The following ARSB variants were observed in gnomAD, a reference collection of about 807,000 sequenced individuals.
The protein encoded by ARSB is N-acetylgalactosamine-4-sulfatase.
Under a neutral mutation model 50.9 loss-of-function variants are expected in ARSB, and 41 were observed. That is an observed-to-expected ratio of 0.81 (90% CI 0.63 to 1.04). The LOEUF is 1.04. Among genes scored for constraint, ARSB ranks in the 50% least tolerant of loss-of-function variants. The pLI, the probability that ARSB is intolerant of heterozygous loss-of-function variation, is 0.00. For synonymous variants in ARSB, 269 were observed against 284.8 expected (o/e 0.94, Z 0.56); for missense variants, 672 against 693.3 (o/e 0.97, Z 0.35).
intron 4 of ARSB, among the ~76,000 whole-genome samples, chr5:78,892,383 G>A (rs1249674513): frequency 2.0e-5 from 3 of 150,792 alleles, no homozygotes; most frequent in African/African-American, 7.4e-5. Flanking sequence ...AACTTCCTGA[G>A]TAGCTGGGTC....
At chr5:78,963,512 T>C (rs916427389) in intron 3 of ARSB, among the ~76,000 whole-genome samples, 1 of 152,210 alleles carries the variant, frequency 6.6e-6, no homozygotes, top group Non-Finnish European at 1.5e-5. Context: ...ATTATTTTTA[T>C]GGGTGTTCTT....
intron 4 of ARSB, among the ~76,000 whole-genome samples, chr5:78,909,266 A>AG (rs1732433826): frequency 6.6e-6 from 1 of 152,206 alleles, no homozygotes; most frequent in Non-Finnish European, 1.5e-5. Flanking sequence ...GACTTAGTAA[A>AG]AATTTCCCTC....
chr5:78,922,461 A>G (rs1157689247), intron 4 of ARSB, among the ~76,000 whole-genome samples: 1 of 151,954 alleles, frequency 6.6e-6, no homozygotes, highest in African/African-American at 2.4e-5. Context: ...AAGGGAGCCC[A>G]CTACCTTGAA....
intron 1 of ARSB, among the ~76,000 whole-genome samples, chr5:78,976,650 A>C (rs981720111): frequency 6.6e-6 from 1 of 152,202 alleles, no homozygotes; most frequent in African/African-American, 2.4e-5. Context: ...ATGTACAATT[A>C]ATTCTAATTG....
At chr5:78,945,393 G>A (rs1228281410) in intron 4 of ARSB, among the ~76,000 whole-genome samples, 2 of 152,138 alleles carry the variant, frequency 1.3e-5, no homozygotes, top group African/African-American at 4.8e-5. Flanking sequence ...GTAGACTGGA[G>A]CTGTTCCTAT....
intron 1 of ARSB, among the ~76,000 whole-genome samples, chr5:78,979,878 C>CA (rs1358337368): frequency 6.6e-6 from 1 of 152,066 alleles, no homozygotes; most frequent in Non-Finnish European, 1.5e-5. Flanking sequence ...TCATAATAGC[C>CA]AAAAAGCGCA....
At chr5:78,815,673 G>T in intron 6 of ARSB, 1 of 1,014,278 alleles carries the variant, frequency 9.9e-7, no homozygotes, top group Non-Finnish European at 1.2e-6. Context: ...TCACTGGGAT[G>T]CTCAAAAGTA....
Position 78,969,188 on chromosome 5 carries a change from C to G in ARSB, c.317G>C (p.Arg106Pro), listed in dbSNP as rs150087888. Residue 106 changes from arginine to proline, a missense_variant, in exon 2 of 8, where the codon CGT (arginine) becomes CCT (proline). Transcript: ENST00000264914. ...SQLLTGRYQIRTGLQHQIIWP... is the reference protein window; with the variant it reads ...SQLLTGRYQIPTGLQHQIIWP... ...GATTATTTGGTGCTGTAAACCTGTA[C>G]GGATCTTACAGAGATAAACATAAAA... is the stretch of plus-strand genomic sequence containing the variant. 6.2e-7 allele frequency: 1 copy of G among 1,613,976 alleles called. No homozygotes were observed. Among genetic ancestry groups the G allele is most frequent in the Non-Finnish European group, 8.5e-7 (1 of 1,179,926 alleles).
intron 4 of ARSB, among the ~76,000 whole-genome samples, chr5:78,928,401 C>T (rs544527811): frequency 2.7e-5 from 4 of 147,852 alleles, no homozygotes; most frequent in Non-Finnish European, 4.5e-5. Flanking sequence ...CTGCAATCTC[C>T]GCCTCCCAGG....
chr5:78,979,268 C>T (rs1752795513), intron 1 of ARSB, among the ~76,000 whole-genome samples: 1 of 152,098 alleles, frequency 6.6e-6, no homozygotes, highest in Non-Finnish European at 1.5e-5. Flanking sequence ...AAATGAAAAT[C>T]AAAACTACAA....
intron 3 of ARSB, among the ~76,000 whole-genome samples, chr5:78,958,206 A>G (rs1751820510): frequency 6.6e-6 from 1 of 152,024 alleles, no homozygotes; most frequent in Non-Finnish European, 1.5e-5. Flanking sequence ...AGATTTTGTG[A>G]CTCTGATCTG....
At chr5:78,885,951 C>G (rs1300084398) in intron 4 of ARSB, 124 bp from the exon 5 acceptor site, 2 of 1,463,198 alleles carry the variant, frequency 1.4e-6, no homozygotes, top group African/African-American at 2.8e-5. Context: ...AAATTCCTTG[C>G]CTTTTCCCAC....
chr5:78,926,322 T>C (rs1468364910), intron 4 of ARSB, among the ~76,000 whole-genome samples: 1 of 152,260 alleles, frequency 6.6e-6, no homozygotes, highest in Non-Finnish European at 1.5e-5. Flanking sequence ...GCCTCCATTA[T>C]GTTGCATTCT....
chr5:78,951,531 G>A (rs1751493690), intron 4 of ARSB, among the ~76,000 whole-genome samples: 1 of 152,118 alleles, frequency 6.6e-6, no homozygotes. Context: ...AAAAGGATGA[G>A]AGAAAAGCTG....
intron 1 of ARSB, among the ~76,000 whole-genome samples, chr5:78,971,799 C>A (rs1434854143): frequency 6.6e-6 from 1 of 152,182 alleles, no homozygotes; most frequent in Non-Finnish European, 1.5e-5. Context: ...AGTTCACTAT[C>A]TTGATGTGGT....
chr5:78,855,097 T>C (rs751244356), intron 5 of ARSB, among the ~76,000 whole-genome samples: 7 of 152,168 alleles, frequency 4.6e-5, no homozygotes, highest in Non-Finnish European at 7.4e-5. Flanking sequence ...CTAGAGCTGT[T>C]TGGCCTGCAG....
At chr5:78,934,907 TA>T (rs1750510341) in intron 4 of ARSB, among the ~76,000 whole-genome samples, 1 of 152,090 alleles carries the variant, frequency 6.6e-6, no homozygotes, top group African/African-American at 2.4e-5. Context: ...AATTAAATAA[TA>T]ATACATGGCA....
At chr5:78,900,635 A>G (rs1055185035) in intron 4 of ARSB, among the ~76,000 whole-genome samples, 1 of 152,108 alleles carries the variant, frequency 6.6e-6, no homozygotes, top group Non-Finnish European at 1.5e-5. Context: ...GAAAATCTCA[A>G]TGCTATATAT....
At chr5:78,971,489 C>G (rs1752451318) in intron 1 of ARSB, among the ~76,000 whole-genome samples, 1 of 152,196 alleles carries the variant, frequency 6.6e-6, no homozygotes, top group East Asian at 1.9e-4. Context: ...GAGCAAGAAA[C>G]TTGTTGCTAA....
Sources: allele counts gnomAD v4.1 joint callset (sites outside exome capture counted in the v4.1 genomes callset), GRCh38; gene constraint gnomAD v4.1.1; transcripts MANE v1.5; gene names NCBI Gene and HGNC (gene_info 2026-07-23, HGNC 2026-07-21).